Variants in KLK6 observed in about 807,000 individuals in gnomAD.
The protein encoded by KLK6 is kallikrein related peptidase 6.
A neutral mutation model predicts 21.7 loss-of-function variants in KLK6; 16 were observed. The observed-to-expected ratio is 0.74, with a 90% confidence interval of 0.50 to 1.12. The LOEUF is 1.12. Among genes scored for constraint, KLK6 ranks in the 50% most tolerant of loss-of-function variants. KLK6 has a pLI of 0.00. For synonymous variants in KLK6, 116 were observed against 120.1 expected, an observed-to-expected ratio of 0.97 and a Z score of 0.22; for missense variants, 276 against 304.6, an observed-to-expected ratio of 0.91 and a Z score of 0.70.
intron 4 of KLK6, among the ~76,000 whole-genome samples, chr19:50,966,536 C>A (rs1473792747): frequency 6.6e-6 from 1 of 152,224 alleles, no homozygotes; most frequent in Admixed American, 6.5e-5. Context: ...GGTGGTGGCT[C>A]ATGCCTGTAA....
At chr19:50,967,699 T>C (rs1296761153) in intron 3 of KLK6, among the ~76,000 whole-genome samples, 2 of 94,340 alleles carry the variant, frequency 2.1e-5, no homozygotes, top group Non-Finnish European at 5.3e-5. Context: ...AGTGAGACCC[T>C]GTCTCAAAAA....
chr19:50,967,551 A>ACACACACACACACACACAC (rs1555781646), intron 3 of KLK6, among the ~76,000 whole-genome samples: 11 of 143,350 alleles, frequency 7.7e-5, no homozygotes, highest in African/African-American at 1.2e-4. Flanking sequence ...ACACACACAC[A>ACACACACACACACACACAC]AATTAGCAGG....
rs768131107 is a variant in KLK6 at position 50,959,288 on chromosome 19, C to T, written c.611G>A (p.Gly204Glu). 4.3e-6 allele frequency: 7 copies of T among 1,613,530 alleles called. No individual in the cohort carries two copies. Among genetic ancestry groups the T allele is most frequent in the Non-Finnish European group, 5.9e-6 (7 of 1,179,938 alleles). The stretch of plus-strand genomic sequence containing the variant: ...TGACACAAGGCCTCGGAGGTGGTCT[C>T]CACATACCAGCGGACCCCCAGAATC... ...QGDSGGPLVC[G>E]DHLRGLVSWG... is the part of the protein sequence containing the mutation. The change falls in exon 7 of 7, where the codon GGA becomes GAA. Residue 204 changes from glycine (G) to glutamate (E), a missense_variant. Coordinates refer to ENST00000310157, the MANE Select transcript of KLK6 (RefSeq NM_002774.4).
In KLK6 at chr19:50,963,416, G is replaced by T. The variant is rs756725993; in HGVS notation, c.331C>A (p.Arg111Ser). The T allele has an allele frequency of 1.9e-6, 3 of 1,614,232 alleles. No individual in the cohort carries two copies. The highest frequency in any genetic ancestry group is 1.1e-5 in the South Asian group (1 of 91,084). Residue 111 changes from arginine (R) to serine (S), a missense_variant, in exon 5 of 7, where the codon CGC becomes AGC. Physicochemically the swap from Arg to Ser is moderately radical, Grantham distance 110. Transcript: ENST00000310157. ...GAGAGTTTGGCTGGGCGTGCCAGGC[G>T]CAACAGCATGATGTCCTGGTCATGG... ...ASHDQDIMLL[R>S]LARPAKLSEL...
At chr19:50,967,511 CCACACACACACA>C (rs146062864) in intron 3 of KLK6, among the ~76,000 whole-genome samples, 186 bp from the exon 4 acceptor site, 5 of 125,478 alleles carry the variant, frequency 4.0e-5, no homozygotes, top group Admixed American at 1.6e-4. Context: ...GACCTCATCT[CCACACACACACA>C]CACACACACA....
chr19:50,960,312 C>G (rs895724015), intron 6 of KLK6, among the ~76,000 whole-genome samples: 12 of 152,052 alleles, frequency 7.9e-5, no homozygotes, highest in African/African-American at 2.9e-4. Flanking sequence ...ATCGCTTTCC[C>G]TGTCTCTGTC....
intron 4 of KLK6, 70 bp downstream of exon 4, chr19:50,967,099 C>T: frequency 6.4e-7 from 1 of 1,565,112 alleles, no homozygotes; most frequent in Non-Finnish European, 8.8e-7. Flanking sequence ...TATGTCACCT[C>T]CTGCCTGACA....
intron 5 of KLK6, 66 bp downstream of exon 5, chr19:50,963,236 C>T: frequency 1.9e-6 from 3 of 1,564,292 alleles, no homozygotes; most frequent in Non-Finnish European, 2.6e-6. Flanking sequence ...TTTCCCACTC[C>T]CCATCCTTTG....
At chr19:50,968,201 TCCTGG>T in intron 2 of KLK6, 89 bp from the exon 3 acceptor site, 2 of 1,189,576 alleles carry the variant, frequency 1.7e-6, no homozygotes, top group Non-Finnish European at 2.5e-6. Flanking sequence ...TCTCCTTCCT[TCCTGG>T]CCTGCTATGG....
chr19:50,963,616 T>TG, intron 4 of KLK6, 67 bp from the exon 5 acceptor site: 1 of 1,579,552 alleles, frequency 6.3e-7, no homozygotes, highest in South Asian at 1.1e-5. Flanking sequence ...CAGAGAGGGC[T>TG]GGGAAGTCAT....
At chr19:50,960,800 T>C (rs867367754) in intron 6 of KLK6, among the ~76,000 whole-genome samples, 4 of 152,154 alleles carry the variant, frequency 2.6e-5, no homozygotes, top group Middle Eastern at 3.4e-3. Flanking sequence ...AATCTTGCTC[T>C]GTTGCCAGGC....
chr19:50,965,024 T>A (rs942960341), intron 4 of KLK6, among the ~76,000 whole-genome samples: 8 of 152,316 alleles, frequency 5.3e-5, no homozygotes, highest in African/African-American at 1.9e-4. Context: ...CCCTCCTCCA[T>A]CTAAAGTAGG....
intron 6 of KLK6, among the ~76,000 whole-genome samples, chr19:50,959,891 AAGAG>A (rs1426162966): frequency 4.3e-5 from 2 of 46,974 alleles, no homozygotes; most frequent in Admixed American, 1.9e-4. Context: ...GAGGAGGAGG[AAGAG>A]GAGGAGGAGA....
chr19:50,961,120 G>A (rs527560820), intron 6 of KLK6, among the ~76,000 whole-genome samples: 315 of 31,366 alleles, frequency 0.01, 1 homozygote, highest in African/African-American at 0.046. Flanking sequence ...GGCTGGTCTC[G>A]AACTCCTGAC....
chr19:50,966,437 C>T (rs2090926923), intron 4 of KLK6, among the ~76,000 whole-genome samples: 1 of 152,236 alleles, frequency 6.6e-6, no homozygotes, highest in Non-Finnish European at 1.5e-5. Flanking sequence ...GCAACAGCCC[C>T]CACGTGGGCC....
chr19:50,961,634 C>T (rs1306026686), intron 6 of KLK6, 110 bp downstream of exon 6: 1 of 1,335,572 alleles, frequency 7.5e-7, no homozygotes, highest in Non-Finnish European at 1.0e-6. Context: ...CTCTATCTGT[C>T]TCTGTAAAGC....
intron 6 of KLK6, among the ~76,000 whole-genome samples, chr19:50,960,153 G>A (rs1325563562): frequency 3.5e-5 from 5 of 142,498 alleles, no homozygotes; most frequent in African/African-American, 1.3e-4. Flanking sequence ...AGGAGGGGGA[G>A]GAGGAGACGA....
rs549447967 is a variant in KLK6, at chr19:50,966,105, T to TCCTCCCTGG, written c.197+1055_197+1063dup. ...CTGACCTCTCCTCTGAGCTCCAGAG[T>TCCTCCCTGG]CCTCCCTGGCCTCCCTGCTGGGACA... On this transcript the variant is annotated intron_variant, in intron 4 of 6. Coordinates refer to ENST00000310157, the MANE Select transcript of KLK6 (RefSeq NM_002774.4). Among the ~76,000 whole-genome samples the TCCTCCCTGG allele has an allele frequency of 5.6e-3, 857 of 152,086 alleles. 5 individuals carry two copies. Among genetic ancestry groups the TCCTCCCTGG allele is most frequent in the Middle Eastern group, 0.01 (3 of 294 alleles).
chr19:50,967,940 T>C, intron 3 of KLK6, 125 bp downstream of exon 3: 2 of 580,520 alleles, frequency 3.4e-6, no homozygotes, highest in Non-Finnish European at 6.2e-6. Context: ...CCCCAACGTC[T>C]TCCTCATTTC....
Sources: allele counts gnomAD v4.1 joint callset (sites outside exome capture counted in the v4.1 genomes callset), GRCh38; gene constraint gnomAD v4.1.1; transcripts MANE v1.5; gene names NCBI Gene and HGNC (gene_info 2026-07-23, HGNC 2026-07-21).